CDK13: variants seen among roughly 807,000 people sequenced by gnomAD.
CDK13 encodes the protein cyclin-dependent kinase 13.
Under a neutral mutation model 137.6 loss-of-function variants are expected in CDK13, and 40 were observed. The observed-to-expected ratio is 0.29, with a 90% confidence interval of 0.23 to 0.38. CDK13 has a LOEUF of 0.38. CDK13 is among the 10% of genes least tolerant of loss of function. The probability of loss-of-function intolerance (pLI) is 1.00; values close to 1 mark genes in which losing one functional copy is unlikely to be tolerated. For synonymous variants in CDK13, 869 were observed against 760.1 expected, an observed-to-expected ratio of 1.14 and a Z score of -2.36; for missense variants, 1,704 against 1,951.8, an observed-to-expected ratio of 0.87 and a Z score of 2.39.
intron 4 of CDK13, among the ~76,000 whole-genome samples, chr7:39,999,752 TTTTC>T (rs1784644701): frequency 6.6e-6 from 1 of 152,180 alleles, no homozygotes; most frequent in Non-Finnish European, 1.5e-5. Context: ...AGGATTTAGT[TTTTC>T]TTTCCTCTTT....
chr7:40,080,258 G>T (rs1786637662), intron 11 of CDK13, among the ~76,000 whole-genome samples: 1 of 152,102 alleles, frequency 6.6e-6, no homozygotes, highest in Non-Finnish European at 1.5e-5. Context: ...AAACTGCTAG[G>T]ATTACAGATT....
intron 1 of CDK13, among the ~76,000 whole-genome samples, chr7:39,971,102 T>G (rs1205941029): frequency 2.6e-5 from 4 of 152,254 alleles, no homozygotes; most frequent in Non-Finnish European, 5.9e-5. Context: ...TTGGTTTTGC[T>G]TCAACCATTG....
At chr7:40,080,068 A>G (rs1386350658) in intron 11 of CDK13, among the ~76,000 whole-genome samples, 4 of 152,034 alleles carry the variant, frequency 2.6e-5, no homozygotes. Flanking sequence ...GCTCACTACA[A>G]CCTCTGCGTC....
intron 6 of CDK13, 100 bp from the exon 7 acceptor site, chr7:40,047,721 G>GTTTT: frequency 1.6e-6 from 1 of 641,210 alleles, no homozygotes; most frequent in Non-Finnish European, 2.7e-6. Context: ...GTTTACATAG[G>GTTTT]TTTTTTTTTT....
At chr7:40,046,648 A>G (rs1785747841) in intron 6 of CDK13, among the ~76,000 whole-genome samples, 1 of 151,664 alleles carries the variant, frequency 6.6e-6, no homozygotes, top group Non-Finnish European at 1.5e-5. Context: ...CTCTGGCTCA[A>G]AAATAAAAAT....
In CDK13 at chr7:40,098,763, A is replaced by G. The variant is rs1412897859; in HGVS notation, c.*3783A>G. The G allele has an allele frequency of 1.3e-5, 2 of 152,170 alleles. No individual in the cohort carries two copies. The highest frequency in any genetic ancestry group is 4.8e-5 in the African/African-American group (2 of 41,460). 9.4% of individuals were successfully genotyped at this position (152,170 alleles called of 1,614,324 possible). ...TTTAATAGGGAAATTGCTTCAAGAT[A>G]ACTTGACCAGTGATACGGTAAAATA... On this transcript the variant is annotated 3_prime_UTR_variant, in exon 14 of 14. Transcript: ENST00000181839.
Position 40,098,381 on chromosome 7 carries a change from A to AT in CDK13, c.*3407dup, listed in dbSNP as rs1486843570. 2 of 151,462 alleles carry AT rather than the reference A, an allele frequency of 1.3e-5. No homozygotes were observed. The highest frequency in any genetic ancestry group is 2.4e-5 in the African/African-American group (1 of 41,240). The allele number at this position is 151,462 out of a possible 1,614,324, so 9.4% of individuals were successfully genotyped here. ...CTTTTTGTTTTCCTTTTTTATTTTT[A>AT]TTTTTTCTTTTTTTAGGGGAAGGGG... On this transcript the variant is annotated 3_prime_UTR_variant, in exon 14 of 14. Transcript: ENST00000181839.
chr7:40,041,667 A>C (rs1785608803), intron 5 of CDK13, among the ~76,000 whole-genome samples: 1 of 152,156 alleles, frequency 6.6e-6, no homozygotes, highest in African/African-American at 2.4e-5. Context: ...AATGCCACCA[A>C]TATAATGTTA....
In CDK13 at chr7:39,951,760, C is replaced by T. The variant is rs1444919778; in HGVS notation, c.1119C>T (p.His373=). 6.7e-7 allele frequency: 1 copy of T among 1,492,738 alleles called. No homozygotes were observed. Among genetic ancestry groups the T allele is most frequent in the Non-Finnish European group, 8.8e-7 (1 of 1,134,048 alleles). The allele number at this position is 1,492,738 out of a possible 1,614,324, so 92.5% of individuals were successfully genotyped here. The stretch of plus-strand genomic sequence containing the variant: ...GCCGCTCCCCCAGCTACAGCCGCCA[C>T]AGCTCCTACGAGCGGGGCGGCGACG... ...SRRRSPSYSR[H]SSYERGGDVS... The change falls in exon 1 of 14, where the codon CAC becomes CAT. Residue 373 remains histidine (H), a synonymous_variant. Transcript: ENST00000181839.
rs746568580 is a variant in CDK13 at position 39,951,386 on chromosome 7, GGCAGCA to G, written c.757_762del (p.Ser253_Ser254del). On this transcript the variant is annotated inframe_deletion, in exon 1 of 14. Transcript: ENST00000181839. Reference sequence around the variant, plus strand: ...GGAACGGGCCGAGGTCGCCAAGAGCGGCAGCAGCAGCAGCAGCGGCGGCCGCCGGAA... The same window carrying G: ...GGAACGGGCCGAGGTCGCCAAGAGCGGCAGCAGCAGCGGCGGCCGCCGGAA... 8.5e-6 allele frequency: 13 copies of G among 1,521,234 alleles called. No homozygotes were observed. The highest frequency in any genetic ancestry group is 2.1e-5 in the Admixed American group (1 of 48,418). 94.2% of individuals were successfully genotyped at this position (1,521,234 alleles called of 1,614,324 possible).
At chr7:40,085,947 A>G (rs1229244914) in intron 11 of CDK13, among the ~76,000 whole-genome samples, 6 of 152,052 alleles carry the variant, frequency 3.9e-5, no homozygotes, top group Non-Finnish European at 5.9e-5. Flanking sequence ...TAATCATATT[A>G]CCCCTACCCC....
chr7:40,055,318 G>C (rs10234693), intron 7 of CDK13, among the ~76,000 whole-genome samples: 83,393 of 151,858 alleles, frequency 0.55, 25,079 homozygotes, highest in African/African-American at 0.81. Flanking sequence ...CATCTAAGAA[G>C]TCGACTATAT....
chr7:40,000,045 A>C (rs1422777082), intron 4 of CDK13, among the ~76,000 whole-genome samples: 1 of 152,212 alleles, frequency 6.6e-6, no homozygotes, highest in Non-Finnish European at 1.5e-5. Flanking sequence ...GCATAGAGCT[A>C]GTATTTTATC....
chr7:39,983,408 A>T (rs934503022), intron 1 of CDK13, among the ~76,000 whole-genome samples: 1 of 152,174 alleles, frequency 6.6e-6, no homozygotes, highest in Non-Finnish European at 1.5e-5. Context: ...GGCGTGAGCA[A>T]CTGCGCCCGG....
chr7:40,065,080 T>C (rs1001887636), intron 9 of CDK13, among the ~76,000 whole-genome samples: 3 of 148,890 alleles, frequency 2.0e-5, no homozygotes, highest in African/African-American at 7.4e-5. Flanking sequence ...AAATGTGTCA[T>C]ACCTTTTTAA....
intron 5 of CDK13, among the ~76,000 whole-genome samples, chr7:40,040,430 A>T (rs1353952279): frequency 6.6e-6 from 1 of 152,218 alleles, no homozygotes; most frequent in Non-Finnish European, 1.5e-5. Flanking sequence ...ATGGAAATGT[A>T]TACTGGTTTA....
rs539935523 is a variant in CDK13 at position 39,994,604 on chromosome 7, A to G, written c.1872-2890A>G. On this transcript the variant is annotated intron_variant, in intron 2 of 13. Transcript: ENST00000181839. Reference sequence around the variant, plus strand: ...GCTCTGCTGTTGAGCCTCAACATCAATGTTGCTCTACAAGAATTTAAGCTT... The same window carrying G: ...GCTCTGCTGTTGAGCCTCAACATCAGTGTTGCTCTACAAGAATTTAAGCTT... Among the ~76,000 whole-genome samples the G allele has an allele frequency of 3.2e-4, 49 of 152,278 alleles. No homozygotes were observed. The South Asian group carries it at 5.0e-3, about 15-fold the overall frequency.
chr7:40,012,314 C>T (rs1440139801), intron 5 of CDK13, among the ~76,000 whole-genome samples: 2 of 152,118 alleles, frequency 1.3e-5, no homozygotes, highest in Non-Finnish European at 2.9e-5. Context: ...AAAGAATTGT[C>T]ATTAGGTGTG....
chr7:40,009,156 G>T (rs1784848087), intron 5 of CDK13, among the ~76,000 whole-genome samples: 1 of 152,190 alleles, frequency 6.6e-6, no homozygotes, highest in Admixed American at 6.5e-5. Flanking sequence ...TTTTCCTCTA[G>T]TGTCTCTTTT....
Sources: gnomAD v4.1 joint callset for allele counts (sites outside exome capture counted in the v4.1 genomes callset) on GRCh38, gnomAD v4.1.1 for gene constraint, MANE v1.5 for transcripts, NCBI Gene and HGNC (gene_info 2026-07-23, HGNC 2026-07-21) for gene names.